The following PCDH15 variants were observed in gnomAD, a reference collection of about 807,000 sequenced individuals.
The protein encoded by PCDH15 is protocadherin related 15.
Under a neutral mutation model 178.5 loss-of-function variants are expected in PCDH15, and 129 were observed. The ratio of observed to expected loss-of-function variants is 0.72; its 90% CI spans 0.63 to 0.84. PCDH15 has a LOEUF of 0.84. Among genes scored for constraint, PCDH15 ranks in the 40% least tolerant of loss-of-function variants. The pLI, the probability that PCDH15 is intolerant of heterozygous loss-of-function variation, is 0.00. For missense variants in PCDH15, 2,230 were observed against 2,099.9 expected, an observed-to-expected ratio of 1.06 and a Z score of -1.21; for synonymous variants, 800 against 732.0, an observed-to-expected ratio of 1.09 and a Z score of -1.50.
intron 1 of PCDH15, among the ~76,000 whole-genome samples, chr10:55,214,629 T>C (rs1354412288): frequency 1.3e-5 from 2 of 152,100 alleles, no homozygotes; most frequent in Non-Finnish European, 2.9e-5. Flanking sequence ...TCAAACTTTA[T>C]GTTTCATGGA....
At position 55,022,803 on chromosome 10, in the gene PCDH15, C is replaced by T. The variant is rs529603110; in HGVS notation, c.-79-125303G>A. ...TCGGCTCACTGCAAGCTCCGCCTCC[C>T]GCGTTCATGCCATTCTCCTGCCTCA... On this transcript the variant is annotated intron_variant, in intron 2 of 5. Coordinates refer to the PCDH15 transcript ENST00000458638. Among the ~76,000 whole-genome samples, 530 of 151,018 alleles carry T rather than the reference C, an allele frequency of 3.5e-3. 5 individuals are homozygous for T. The highest frequency in any genetic ancestry group is 0.013 in the African/African-American group (515 of 41,198).
At chr10:54,838,575 G>GA (rs1360721408) in intron 3 of PCDH15, among the ~76,000 whole-genome samples, 1 of 152,094 alleles carries the variant, frequency 6.6e-6, no homozygotes, top group Admixed American at 6.6e-5. Context: ...AATAAGCCTA[G>GA]AAACACACCA....
At chr10:55,329,729 T>C (rs961100017) in intron 2 of PCDH15, among the ~76,000 whole-genome samples, 2 of 151,742 alleles carry the variant, frequency 1.3e-5, no homozygotes, top group Non-Finnish European at 3.0e-5. Context: ...AATTTTGAGA[T>C]GCCAACCAAT....
At chr10:55,587,737 T>G (rs908181158) in intron 2 of PCDH15, among the ~76,000 whole-genome samples, 1 of 152,206 alleles carries the variant, frequency 6.6e-6, no homozygotes, top group Non-Finnish European at 1.5e-5. Context: ...AAAAGATGCT[T>G]TCTTGACAGT....
At chr10:54,695,337 C>G (rs964475771) in intron 1 of PCDH15, among the ~76,000 whole-genome samples, 1 of 152,130 alleles carries the variant, frequency 6.6e-6, no homozygotes, top group Non-Finnish European at 1.5e-5. Context: ...GGCCTTAACT[C>G]TCTTAAATTC....
intron 3 of PCDH15, among the ~76,000 whole-genome samples, chr10:54,409,402 G>A (rs4481936): frequency 0.79 from 120,528 of 151,896 alleles, 48,575 homozygotes; most frequent in East Asian, 0.97. Flanking sequence ...AAGAAGCTAG[G>A]GTATATTGTT....
chr10:54,821,164 T>G (rs1386450472), intron 3 of PCDH15, among the ~76,000 whole-genome samples: 1 of 152,098 alleles, frequency 6.6e-6, no homozygotes, highest in Non-Finnish European at 1.5e-5. Flanking sequence ...ATACGTCTTT[T>G]TCATGCTAAT....
intron 7 of PCDH15, among the ~76,000 whole-genome samples, chr10:54,327,938 T>C (rs956863649): frequency 5.9e-5 from 9 of 152,060 alleles, no homozygotes; most frequent in Admixed American, 5.3e-4. Flanking sequence ...TAATCAAAGT[T>C]GTACATTGGT....
At chr10:54,948,154 T>C (rs1838237771) in intron 2 of PCDH15, among the ~76,000 whole-genome samples, 1 of 151,964 alleles carries the variant, frequency 6.6e-6, no homozygotes, top group African/African-American at 2.4e-5. Flanking sequence ...ATGTAGCATA[T>C]GCAAGTTGAT....
chr10:54,120,676 A>G (rs2095201730), intron 15 of PCDH15, among the ~76,000 whole-genome samples: 1 of 152,186 alleles, frequency 6.6e-6, no homozygotes, highest in Non-Finnish European at 1.5e-5. Context: ...ACAACACTAA[A>G]AACAAAAAAG....
chr10:53,805,934 C>T lies in PCDH15; in HGVS notation c.*645G>A, dbSNP rs1300063768. 6.6e-6 allele frequency: 1 copy of T among 152,046 alleles called. No individual in the cohort carries two copies. The highest frequency in any genetic ancestry group is 1.5e-5 in the Non-Finnish European group (1 of 67,994). The allele number at this position is 152,046 out of a possible 1,614,324, so 9.4% of individuals were successfully genotyped here. On this transcript the variant is annotated 3_prime_UTR_variant, in exon 38 of 38. Coordinates refer to ENST00000644397, the MANE Select transcript of PCDH15 (RefSeq NM_001384140.1). ...ATTGTAAATAATATTGATAAAAAGA[C>T]ATACGACTTCAAGTGGTTTCCTAAA...
At chr10:54,661,617 G>T (rs549547787) in intron 2 of PCDH15, among the ~76,000 whole-genome samples, 1 of 151,902 alleles carries the variant, frequency 6.6e-6, no homozygotes, top group East Asian at 1.9e-4. Flanking sequence ...GAAGAAAGAT[G>T]AAGTTGGGGG....
chr10:54,598,897 C>T (rs975706644), intron 2 of PCDH15, among the ~76,000 whole-genome samples: 9 of 151,718 alleles, frequency 5.9e-5, no homozygotes, highest in African/African-American at 1.9e-4. Flanking sequence ...GAATAAAATA[C>T]CTAGGAATAC....
chr10:53,850,145 G>A (rs1477519638), intron 28 of PCDH15, among the ~76,000 whole-genome samples: 1 of 151,852 alleles, frequency 6.6e-6, no homozygotes. Flanking sequence ...GAAAATCATG[G>A]AGCACCTTAG....
chr10:54,952,070 C>T (rs1838359145), intron 2 of PCDH15, among the ~76,000 whole-genome samples: 2 of 151,720 alleles, frequency 1.3e-5, no homozygotes, highest in Admixed American at 1.3e-4. Flanking sequence ...TCAAGTTTGT[C>T]TTTCATGGAT....
chr10:55,043,326 A>C (rs1426892046), intron 2 of PCDH15, among the ~76,000 whole-genome samples: 3 of 152,056 alleles, frequency 2.0e-5, no homozygotes, highest in African/African-American at 7.2e-5. Context: ...ATGCAGGATT[A>C]TATCTGGATG....
At chr10:54,315,409 C>CTTG in intron 8 of PCDH15, among the ~76,000 whole-genome samples, 1 of 152,010 alleles carries the variant, frequency 6.6e-6, no homozygotes, top group South Asian at 2.1e-4. Context: ...TTTTAAATTC[C>CTTG]TCATAGATGC....
intron 3 of PCDH15, among the ~76,000 whole-genome samples, chr10:54,422,655 A>T (rs1955689564): frequency 6.6e-6 from 1 of 152,166 alleles, no homozygotes; most frequent in Non-Finnish European, 1.5e-5. Flanking sequence ...ACATTGACAA[A>T]TATTCCCTGA....
At chr10:54,138,479 G>C (rs1452760002) in intron 14 of PCDH15, among the ~76,000 whole-genome samples, 1 of 152,144 alleles carries the variant, frequency 6.6e-6, no homozygotes, top group African/African-American at 2.4e-5. Context: ...TCATAGCAAA[G>C]TAGAATTCAG....
Sources: gnomAD v4.1 joint callset for allele counts (sites outside exome capture counted in the v4.1 genomes callset) on GRCh38, gnomAD v4.1.1 for gene constraint, MANE v1.5 for transcripts, NCBI Gene and HGNC (gene_info 2026-07-23, HGNC 2026-07-21) for gene names.